Variants in GABRB2 observed in about 807,000 individuals in gnomAD.
GABRB2 encodes the protein gamma-aminobutyric acid receptor subunit beta-2.
In GABRB2, 16 loss-of-function variants were observed where a neutral mutation model predicts 54.7. The ratio of observed to expected loss-of-function variants is 0.29; its 90% confidence interval spans 0.20 to 0.44. The LOEUF (loss-of-function observed/expected upper bound fraction) is 0.44, where lower values mean the gene tolerates loss of function less well. Ranked by LOEUF, GABRB2 falls within the 20% of genes least tolerant of loss-of-function variation. The pLI, the probability that GABRB2 is intolerant of heterozygous loss-of-function variation, is 1.00. For synonymous variants in GABRB2, 244 were observed against 233.8 expected, an observed-to-expected ratio of 1.04 and a Z score of -0.40; for missense variants, 355 against 644.0, an observed-to-expected ratio of 0.55 and a Z score of 4.86.
chr5:161,470,161 C>A (rs6871829), intron 3 of GABRB2, among the ~76,000 whole-genome samples: 1,584 of 151,836 alleles, frequency 0.01, 26 homozygotes, highest in African/African-American at 0.035. Flanking sequence ...GATCCTTCCA[C>A]TTCCCCTACA....
At chr5:161,452,496 G>A (rs193192345) in intron 4 of GABRB2, among the ~76,000 whole-genome samples, 1 of 152,208 alleles carries the variant, frequency 6.6e-6, no homozygotes, top group Non-Finnish European at 1.5e-5. Context: ...TTATACCTAT[G>A]TGACCTTCTT....
intron 5 of GABRB2, among the ~76,000 whole-genome samples, chr5:161,381,955 C>A (rs1331632934): frequency 6.6e-6 from 1 of 152,086 alleles, no homozygotes; most frequent in Admixed American, 6.6e-5. Flanking sequence ...ACATATAACC[C>A]ATTAATATTA....
intron 3 of GABRB2, among the ~76,000 whole-genome samples, chr5:161,461,648 A>G (rs1758121530): frequency 6.6e-6 from 1 of 152,204 alleles, no homozygotes; most frequent in Admixed American, 6.5e-5. Flanking sequence ...CCTCATCTGA[A>G]TGACTAAGTG....
At chr5:161,385,963 T>C (rs964853128) in intron 5 of GABRB2, among the ~76,000 whole-genome samples, 1 of 148,250 alleles carries the variant, frequency 6.7e-6, no homozygotes, top group African/African-American at 2.5e-5. Context: ...TGTGTGTGTG[T>C]GTGTGTGTGT....
intron 3 of GABRB2, among the ~76,000 whole-genome samples, chr5:161,512,433 T>C (rs1759802844): frequency 6.6e-6 from 1 of 152,028 alleles, no homozygotes; most frequent in African/African-American, 2.4e-5. Flanking sequence ...AGCCATCTGA[T>C]TTTGACAAAG....
At chr5:161,323,527 C>T (rs563470242) in intron 9 of GABRB2, among the ~76,000 whole-genome samples, 9 of 152,238 alleles carry the variant, frequency 5.9e-5, no homozygotes, top group Admixed American at 3.9e-4. Context: ...ATTCTGCTTG[C>T]GCTAATTATG....
intron 5 of GABRB2, among the ~76,000 whole-genome samples, chr5:161,375,032 G>A (rs148956371): frequency 5.9e-5 from 9 of 152,224 alleles, no homozygotes; most frequent in East Asian, 3.9e-4. Context: ...ATAGTTCAGC[G>A]TGAGAGACAA....
intron 5 of GABRB2, among the ~76,000 whole-genome samples, chr5:161,385,947 GGTGTGTGTGTGTGTGTGTGTGTGT>G (rs70990781): frequency 1.0e-3 from 97 of 93,414 alleles, no homozygotes; most frequent in African/African-American, 3.3e-3. Context: ...CCTATTGTCT[GGTGTGTGTGTGTGTGTGTGTGTGT>G]GTGTGTGTGT....
chr5:161,418,672 GC>G (rs1288475500), intron 4 of GABRB2, among the ~76,000 whole-genome samples: 1 of 152,086 alleles, frequency 6.6e-6, no homozygotes, highest in Non-Finnish European at 1.5e-5. Flanking sequence ...AAGGGCTTCT[GC>G]ACAGCAAAAG....
intron 9 of GABRB2, among the ~76,000 whole-genome samples, chr5:161,318,281 GC>G (rs550690205): frequency 2.3e-3 from 352 of 151,980 alleles, no homozygotes; most frequent in Non-Finnish European, 4.1e-3. Flanking sequence ...TGAATTTTCT[GC>G]CGTGTTTCAT....
intron 3 of GABRB2, among the ~76,000 whole-genome samples, chr5:161,493,672 G>T (rs1039589080): frequency 6.6e-6 from 1 of 151,670 alleles, no homozygotes; most frequent in African/African-American, 2.4e-5. Context: ...TAAAAATTAT[G>T]CAGGTTTAGT....
At chr5:161,463,317 C>CCACACACACACA (rs137863733) in intron 3 of GABRB2, among the ~76,000 whole-genome samples, 72 of 141,186 alleles carry the variant, frequency 5.1e-4, no homozygotes, top group African/African-American at 1.7e-3. Context: ...TACACACACA[C>CCACACACACACA]CACACACACA....
At chr5:161,482,463 C>T (rs1433571464) in intron 3 of GABRB2, among the ~76,000 whole-genome samples, 4 of 152,084 alleles carry the variant, frequency 2.6e-5, no homozygotes, top group Non-Finnish European at 4.4e-5. Flanking sequence ...CAGAGACTGC[C>T]TCGTGGCAGA....
intron 3 of GABRB2, among the ~76,000 whole-genome samples, chr5:161,471,096 C>A (rs1758425861): frequency 6.6e-6 from 1 of 151,962 alleles, no homozygotes; most frequent in African/African-American, 2.4e-5. Context: ...GTTTCAAACA[C>A]CCTCAGAGCT....
intron 3 of GABRB2, among the ~76,000 whole-genome samples, chr5:161,486,301 A>G (rs1043779254): frequency 4.6e-5 from 7 of 151,978 alleles, no homozygotes; most frequent in Non-Finnish European, 1.0e-4. Flanking sequence ...AATAAGCACC[A>G]TAAAATTAAT....
At chr5:161,358,416 T>TAA (rs993285726) in intron 5 of GABRB2, among the ~76,000 whole-genome samples, 2 of 147,068 alleles carry the variant, frequency 1.4e-5, no homozygotes, top group East Asian at 3.9e-4. Flanking sequence ...GTAATTTTGC[T>TAA]AAAAAAAAAA....
At chr5:161,332,991 A>G (rs1451546964) in intron 7 of GABRB2, among the ~76,000 whole-genome samples, 1 of 152,102 alleles carries the variant, frequency 6.6e-6, no homozygotes, top group Non-Finnish European at 1.5e-5. Context: ...TCTCTTCATC[A>G]TTTCAACTAC....
intron 5 of GABRB2, among the ~76,000 whole-genome samples, chr5:161,376,116 C>G (rs1018928459): frequency 6.6e-6 from 1 of 152,108 alleles, no homozygotes; most frequent in Admixed American, 6.6e-5. Context: ...AATGGTTCTG[C>G]ATTCATCACT....
At chr5:161,427,096 C>G (rs6896537) in intron 4 of GABRB2, among the ~76,000 whole-genome samples, 26,749 of 152,038 alleles carry the variant, frequency 0.18, 3,377 homozygotes, top group African/African-American at 0.35. Flanking sequence ...AAGAGCAAAA[C>G]CTATGGCAAA....
Sources: gnomAD v4.1 joint callset for allele counts (sites outside exome capture counted in the v4.1 genomes callset) on GRCh38, gnomAD v4.1.1 for gene constraint, MANE v1.5 for transcripts, NCBI Gene and HGNC (gene_info 2026-07-23, HGNC 2026-07-21) for gene names.